The following LINGO1 variants were observed in gnomAD, a reference collection of about 807,000 sequenced individuals.
LINGO1 encodes the protein leucine-rich repeat and immunoglobulin-like domain-containing nogo receptor-interacting protein 1.
In LINGO1, 11 loss-of-function variants were observed where a neutral mutation model predicts 37.3. The observed-to-expected ratio is 0.29, with a 90% CI of 0.19 to 0.49. The LOEUF (loss-of-function observed/expected upper bound fraction) is 0.49. Among genes scored for constraint, LINGO1 ranks in the 20% least tolerant of loss-of-function variants. The pLI, the probability that LINGO1 is intolerant of heterozygous loss-of-function variation, is 0.99. For synonymous variants in LINGO1, 387 were observed against 403.0 expected (o/e 0.96, Z 0.48); for missense variants, 585 against 878.2 (o/e 0.67, Z 4.22).
chr15:77,697,240 C>T (rs1047882786), upstream of LINGO1, among the ~76,000 whole-genome samples: 1 of 152,164 alleles, frequency 6.6e-6, no homozygotes, highest in Non-Finnish European at 1.5e-5. Flanking sequence ...GTACGTGTGT[C>T]AGATGATGGT....
chr15:77,812,004 T>C (rs2141480413), intron 1 of LINGO1, among the ~76,000 whole-genome samples: 1 of 151,790 alleles, frequency 6.6e-6, no homozygotes, highest in East Asian at 1.9e-4. Flanking sequence ...ACACAATGCC[T>C]GGTGCTCCTG....
chr15:77,631,912 G>C (rs1171063602), intron 1 of LINGO1, among the ~76,000 whole-genome samples: 1 of 152,088 alleles, frequency 6.6e-6, no homozygotes, highest in East Asian at 1.9e-4. Flanking sequence ...GTGCTGGTGG[G>C]GGCTGCCTGG....
rs28654223 is a variant in LINGO1, at chr15:77,672,706, G to T, written c.-13+4383C>A. The stretch of plus-strand genomic sequence containing the variant: ...CAGTTTTCTCATCTGCAAATGGTGA[G>T]ACAGAACGCCGACCCTGAAGAATTG... On this transcript the variant is annotated intron_variant, in intron 3 of 3. Transcript: ENST00000559893. Among the ~76,000 whole-genome samples, 1,150 of 152,322 alleles carry T rather than the reference G, an allele frequency of 7.5e-3. 16 individuals carry two copies. Among genetic ancestry groups the T allele is most frequent in the African/African-American group, 0.027 (1,112 of 41,556 alleles).
At chr15:77,802,435 G>C (rs1363525964) in intron 1 of LINGO1, among the ~76,000 whole-genome samples, 1 of 152,068 alleles carries the variant, frequency 6.6e-6, no homozygotes, top group Admixed American at 6.5e-5. Flanking sequence ...GTGTGTGTTT[G>C]TGTGTATGTT....
chr15:77,818,024 T>G (rs890937809), intron 1 of LINGO1, among the ~76,000 whole-genome samples: 9 of 152,262 alleles, frequency 5.9e-5, no homozygotes, highest in African/African-American at 2.2e-4. Flanking sequence ...GCATCCAGGC[T>G]GAGATCAAGA....
intron 1 of LINGO1, among the ~76,000 whole-genome samples, chr15:77,797,316 T>C (rs1040429433): frequency 8.5e-5 from 13 of 152,280 alleles, no homozygotes; most frequent in African/African-American, 2.6e-4. Context: ...TTTCCCAAAG[T>C]AGGAGACACA....
intron 1 of LINGO1, among the ~76,000 whole-genome samples, chr15:77,745,714 A>G (rs73465859): frequency 0.013 from 1,919 of 152,298 alleles, 41 homozygotes; most frequent in African/African-American, 0.043. Context: ...CAACCCTGGC[A>G]GGCAAGACCA....
intron 3 of LINGO1, among the ~76,000 whole-genome samples, chr15:77,652,530 G>GTGTGTGTGTGTGTT (rs1461851046): frequency 1.5e-3 from 219 of 144,848 alleles, no homozygotes; most frequent in African/African-American, 5.7e-3. Flanking sequence ...GTGTGTGTGT[G>GTGTGTGTGTGTGTT]TTGCCAGAAT....
chr15:77,816,905 A>C (rs1247679897), intron 1 of LINGO1, among the ~76,000 whole-genome samples: 5 of 152,144 alleles, frequency 3.3e-5, no homozygotes, highest in African/African-American at 1.2e-4. Context: ...TGTCAACCAG[A>C]GCTTTGGTCA....
chr15:77,645,523 G>A (rs915110388), intron 3 of LINGO1, among the ~76,000 whole-genome samples: 2 of 152,232 alleles, frequency 1.3e-5, no homozygotes, highest in Non-Finnish European at 2.9e-5. Context: ...CATGGCTAAA[G>A]ATAAATGCCA....
intron 3 of LINGO1, among the ~76,000 whole-genome samples, chr15:77,642,736 G>C (rs541035416): frequency 1.3e-5 from 2 of 152,148 alleles, no homozygotes; most frequent in Non-Finnish European, 2.9e-5. Flanking sequence ...CTCCGGGTCC[G>C]GAAATCCCCC....
At chr15:77,640,086 A>G (rs2141105094) in intron 3 of LINGO1, among the ~76,000 whole-genome samples, 1 of 152,358 alleles carries the variant, frequency 6.6e-6, no homozygotes, top group East Asian at 1.9e-4. Context: ...GCCTAGCAGG[A>G]AGCCAGGACT....
intron 2 of LINGO1, among the ~76,000 whole-genome samples, chr15:77,680,880 T>C (rs571330948): frequency 6.6e-6 from 1 of 152,340 alleles, no homozygotes; most frequent in East Asian, 1.9e-4. Context: ...TGTTTTACTT[T>C]GGCAATTATC....
intron 2 of LINGO1, among the ~76,000 whole-genome samples, chr15:77,720,406 G>A (rs531234599): frequency 2.0e-4 from 31 of 152,332 alleles, no homozygotes; most frequent in Middle Eastern, 3.4e-3. Context: ...GTGTGTGAGC[G>A]CAGTGCCTGC....
chr15:77,731,130 C>A (rs554832750), intron 2 of LINGO1, among the ~76,000 whole-genome samples: 1 of 152,210 alleles, frequency 6.6e-6, no homozygotes, highest in East Asian at 1.9e-4. Flanking sequence ...CCCCCAGACA[C>A]CCCTCCATCC....
intron 2 of LINGO1, among the ~76,000 whole-genome samples, chr15:77,727,133 A>G (rs2076110300): frequency 6.6e-6 from 1 of 152,254 alleles, no homozygotes; most frequent in African/African-American, 2.4e-5. Flanking sequence ...TATTGCTAGT[A>G]GGAATGTAAA....
chr15:77,646,390 C>T (rs1302482682), intron 3 of LINGO1: 2 of 405,110 alleles, frequency 4.9e-6, no homozygotes, highest in African/African-American at 3.2e-5. Context: ...CCCCACAGGA[C>T]ACCCCTCTGT....
intron 1 of LINGO1, among the ~76,000 whole-genome samples, chr15:77,763,313 G>A (rs1236869084): frequency 2.0e-5 from 3 of 152,140 alleles, no homozygotes; most frequent in African/African-American, 7.2e-5. Flanking sequence ...CCTGGGGCCT[G>A]GAGAGGAGGA....
At chr15:77,725,259 T>G (rs916691012) in intron 2 of LINGO1, among the ~76,000 whole-genome samples, 3 of 152,212 alleles carry the variant, frequency 2.0e-5, no homozygotes, top group African/African-American at 7.2e-5. Flanking sequence ...CAGAGGAATT[T>G]AAATCCATCA....
Sources: gnomAD v4.1 joint callset for allele counts (sites outside exome capture counted in the v4.1 genomes callset) on GRCh38, gnomAD v4.1.1 for gene constraint, MANE v1.5 for transcripts, NCBI Gene and HGNC (gene_info 2026-07-23, HGNC 2026-07-21) for gene names.